Variants in CLSTN2 observed in about 807,000 individuals in gnomAD.
CLSTN2 encodes the protein calsyntenin-2.
A neutral mutation model predicts 101.2 loss-of-function variants in CLSTN2; 48 were observed. That is an observed-to-expected ratio of 0.47 (90% CI 0.38 to 0.60). CLSTN2 has a LOEUF of 0.60. Among genes scored for constraint, CLSTN2 ranks in the 20% least tolerant of loss-of-function variants. The pLI is 0.00. For missense variants in CLSTN2, 1,160 were observed against 1,238.2 expected, an observed-to-expected ratio of 0.94 and a Z score of 0.95; for synonymous variants, 481 against 463.6, an observed-to-expected ratio of 1.04 and a Z score of -0.48.
chr3:140,265,446 C>T (rs902798249), intron 2 of CLSTN2, among the ~76,000 whole-genome samples: 1 of 152,156 alleles, frequency 6.6e-6, no homozygotes, highest in Non-Finnish European at 1.5e-5. Context: ...ACTACCCAGA[C>T]CCCCTGGAAT....
intron 9 of CLSTN2, among the ~76,000 whole-genome samples, chr3:140,533,410 A>G (rs1559896614): frequency 6.6e-6 from 1 of 152,166 alleles, no homozygotes; most frequent in African/African-American, 2.4e-5. Flanking sequence ...GAGGTGGGCT[A>G]TAGTATAAGA....
At chr3:140,503,114 C>G (rs927727117) in intron 8 of CLSTN2, among the ~76,000 whole-genome samples, 4 of 152,174 alleles carry the variant, frequency 2.6e-5, no homozygotes, top group African/African-American at 7.2e-5. Context: ...TCATGTCTGG[C>G]TCTCCTGCCT....
At chr3:140,155,803 C>T (rs2009944269) in intron 1 of CLSTN2, among the ~76,000 whole-genome samples, 1 of 152,198 alleles carries the variant, frequency 6.6e-6, no homozygotes, top group South Asian at 2.1e-4. Flanking sequence ...CATGGAACAA[C>T]CAGTAAGTCA....
chr3:140,035,346 T>G (rs1418404669), intron 1 of CLSTN2, among the ~76,000 whole-genome samples: 2 of 152,238 alleles, frequency 1.3e-5, no homozygotes, highest in Non-Finnish European at 2.9e-5. Context: ...CTGTAAACTT[T>G]CTGTAAAGCA....
At chr3:140,501,681 C>T (rs190521234) in intron 8 of CLSTN2, among the ~76,000 whole-genome samples, 71 of 152,332 alleles carry the variant, frequency 4.7e-4, no homozygotes, top group Admixed American at 2.1e-3. Context: ...TTCCATTTGA[C>T]CTACAAGAAT....
intron 2 of CLSTN2, among the ~76,000 whole-genome samples, chr3:140,345,222 G>A (rs920994551): frequency 3.3e-4 from 50 of 151,840 alleles, no homozygotes; most frequent in African/African-American, 1.2e-3. Flanking sequence ...ATCCAAGACA[G>A]GGTGGCATTG....
chr3:140,560,336 A>T (rs1935885252), intron 12 of CLSTN2, among the ~76,000 whole-genome samples: 1 of 152,096 alleles, frequency 6.6e-6, no homozygotes, highest in Admixed American at 6.5e-5. Flanking sequence ...AAGACAGGAG[A>T]TTCCCCCAAC....
At chr3:140,118,515 T>A (rs1470602708) in intron 1 of CLSTN2, among the ~76,000 whole-genome samples, 1 of 152,138 alleles carries the variant, frequency 6.6e-6, no homozygotes, top group Non-Finnish European at 1.5e-5. Context: ...AAAAGAGTTT[T>A]CTTTCACTGT....
At chr3:140,445,920 C>T (rs72985107) in intron 5 of CLSTN2, among the ~76,000 whole-genome samples, 4,614 of 152,184 alleles carry the variant, frequency 0.03, 244 homozygotes, top group African/African-American at 0.11. Flanking sequence ...GCTGCAGCCT[C>T]ATGTTGAAAA....
chr3:140,075,713 C>T (rs1350036951), intron 1 of CLSTN2, among the ~76,000 whole-genome samples: 1 of 152,100 alleles, frequency 6.6e-6, no homozygotes, highest in African/African-American at 2.4e-5. Flanking sequence ...GCAGAAGGAA[C>T]GTGGTCCAGT....
At chr3:140,220,139 A>G (rs1033858525) in intron 2 of CLSTN2, among the ~76,000 whole-genome samples, 2 of 152,206 alleles carry the variant, frequency 1.3e-5, no homozygotes, top group Admixed American at 6.5e-5. Context: ...TAACGTCTCA[A>G]TGAAAACAAT....
At chr3:140,166,891 T>C (rs909017118) in intron 1 of CLSTN2, among the ~76,000 whole-genome samples, 4 of 152,174 alleles carry the variant, frequency 2.6e-5, no homozygotes, top group African/African-American at 9.7e-5. Context: ...AGGGATATTA[T>C]CTTGTCAAGA....
At chr3:140,134,241 C>T (rs1452903555) in intron 1 of CLSTN2, among the ~76,000 whole-genome samples, 1 of 152,168 alleles carries the variant, frequency 6.6e-6, no homozygotes, top group Non-Finnish European at 1.5e-5. Flanking sequence ...GCCTTTATCC[C>T]TCCTCTCCCC....
intron 1 of CLSTN2, among the ~76,000 whole-genome samples, chr3:140,150,217 C>G (rs2009840989): frequency 6.6e-6 from 1 of 152,202 alleles, no homozygotes; most frequent in African/African-American, 2.4e-5. Flanking sequence ...TGAAGGGACA[C>G]AGTGAGTCCC....
chr3:140,347,393 G>T (rs1487395622), intron 2 of CLSTN2, among the ~76,000 whole-genome samples: 2 of 152,208 alleles, frequency 1.3e-5, no homozygotes, highest in Non-Finnish European at 2.9e-5. Flanking sequence ...ACAAGGAGGT[G>T]CTCCAGAGCC....
chr3:140,521,848 A>G (rs957139760), intron 8 of CLSTN2, among the ~76,000 whole-genome samples: 3 of 152,192 alleles, frequency 2.0e-5, no homozygotes, highest in African/African-American at 7.2e-5. Context: ...CTTAACTTGT[A>G]AGGTGCCGTT....
At chr3:140,106,173 T>G (rs185499965) in intron 1 of CLSTN2, among the ~76,000 whole-genome samples, 1 of 152,188 alleles carries the variant, frequency 6.6e-6, no homozygotes, top group Admixed American at 6.5e-5. Context: ...ATACCTTCCC[T>G]GAGTAACAGA....
chr3:140,393,174 C>T lies in CLSTN2; in HGVS notation c.233-10455C>T, dbSNP rs142404512. ...TTTTGGAGGGGACAAACATTCAAAC[C>T]ATAGCAGATGAGGACAAACAGACTT... On this transcript the variant is annotated intron_variant, in intron 2 of 16. Coordinates refer to ENST00000458420, the MANE Select transcript of CLSTN2 (RefSeq NM_022131.3). 4.7e-3 allele frequency among the ~76,000 whole-genome samples: 719 copies of T among 152,226 alleles called. 8 individuals carry two copies. Among genetic ancestry groups the T allele is most frequent in the African/African-American group, 0.017 (692 of 41,524 alleles).
chr3:139,997,160 C>A (rs1319776136), intron 1 of CLSTN2, among the ~76,000 whole-genome samples: 1 of 151,280 alleles, frequency 6.6e-6, no homozygotes, highest in Non-Finnish European at 1.5e-5. Context: ...TTTATAGATT[C>A]TCGATATTAA....
Sources: allele counts gnomAD v4.1 joint callset (sites outside exome capture counted in the v4.1 genomes callset), GRCh38; gene constraint gnomAD v4.1.1; transcripts MANE v1.5; gene names NCBI Gene and HGNC (gene_info 2026-07-23, HGNC 2026-07-21).